The following NAALADL2 variants were observed in gnomAD, a reference collection of about 807,000 sequenced individuals.
NAALADL2 encodes the protein inactive N-acetylated-alpha-linked acidic dipeptidase-like protein 2.
In NAALADL2, 76 loss-of-function variants were observed where a neutral mutation model predicts 87.2. The observed-to-expected ratio is 0.87, with a 90% confidence interval of 0.72 to 1.05. The LOEUF (loss-of-function observed/expected upper bound fraction) is 1.05, where lower values mean the gene tolerates loss of function less well. NAALADL2 is among the 50% of genes least tolerant of loss of function. The pLI, the probability that NAALADL2 is intolerant of heterozygous loss-of-function variation, is 0.00. For missense variants in NAALADL2, 1,089 were observed against 945.8 expected (o/e 1.15, Z -1.99); for synonymous variants, 354 against 331.0 (o/e 1.07, Z -0.75).
chr3:175,604,062 G>C (rs1409483348), intron 10 of NAALADL2, among the ~76,000 whole-genome samples: 3 of 152,112 alleles, frequency 2.0e-5, no homozygotes, highest in Non-Finnish European at 4.4e-5. Flanking sequence ...TATATATCCA[G>C]AAGTAGAATT....
At chr3:175,584,039 C>CTTT (rs5854648) in intron 10 of NAALADL2, among the ~76,000 whole-genome samples, 3,081 of 144,148 alleles carry the variant, frequency 0.021, 116 homozygotes, top group African/African-American at 0.074. Flanking sequence ...ATTGTCACTA[C>CTTT]TTTTTTTTTT....
At chr3:175,744,955 G>GA (rs559266055) in intron 12 of NAALADL2, among the ~76,000 whole-genome samples, 37,484 of 145,876 alleles carry the variant, frequency 0.26, 5,057 homozygotes, top group African/African-American at 0.36. Context: ...CAATTGCAGT[G>GA]AAAAAAAAAA....
chr3:174,636,198 T>G (rs898408626), intron 2 of NAALADL2, among the ~76,000 whole-genome samples: 1 of 152,222 alleles, frequency 6.6e-6, no homozygotes, highest in Admixed American at 6.5e-5. Flanking sequence ...CGAGATGTAT[T>G]AAGGACTGAA....
At chr3:175,221,086 A>C (rs6776102) in intron 2 of NAALADL2, among the ~76,000 whole-genome samples, 133,272 of 151,854 alleles carry the variant, frequency 0.88, 58,648 homozygotes, top group Middle Eastern at 0.94. Flanking sequence ...GTAATCTTAG[A>C]TACTTGGGAG....
intron 1 of NAALADL2, among the ~76,000 whole-genome samples, chr3:174,971,141 G>A (rs865833232): frequency 1.3e-5 from 2 of 152,112 alleles, no homozygotes; most frequent in South Asian, 4.1e-4. Flanking sequence ...ATAGCAGGGG[G>A]AAAGACTGGC....
At chr3:175,696,701 T>A (rs1025399331) in intron 11 of NAALADL2, among the ~76,000 whole-genome samples, 1 of 152,182 alleles carries the variant, frequency 6.6e-6, no homozygotes, top group African/African-American at 2.4e-5. Context: ...ACTTACTGTC[T>A]TAATTTTCTG....
chr3:175,112,246 GCCT>G (rs1247623960), intron 2 of NAALADL2, among the ~76,000 whole-genome samples: 1 of 150,914 alleles, frequency 6.6e-6, no homozygotes, highest in Non-Finnish European at 1.5e-5. Flanking sequence ...GGTGTCTCCC[GCCT>G]CCTCTCAACT....
intron 2 of NAALADL2, among the ~76,000 whole-genome samples, chr3:175,193,893 A>G (rs747817902): frequency 1.7e-4 from 25 of 150,346 alleles, no homozygotes; most frequent in African/African-American, 5.4e-4. Context: ...TTGCTATTTC[A>G]TGAAACTTAA....
intron 1 of NAALADL2, among the ~76,000 whole-genome samples, chr3:174,897,176 C>A (rs1731648145): frequency 6.6e-6 from 1 of 152,000 alleles, no homozygotes; most frequent in South Asian, 2.1e-4. Context: ...TGAATCATGT[C>A]AAGTTAAAAA....
At chr3:175,160,360 CTTTT>C (rs71164618) in intron 2 of NAALADL2, among the ~76,000 whole-genome samples, 30 of 57,038 alleles carry the variant, frequency 5.3e-4, no homozygotes, top group Non-Finnish European at 1.0e-3. Flanking sequence ...TCTTTTCTTT[CTTTT>C]TTTTTTTTTT....
At chr3:175,103,106 CAA>C (rs377685441) in intron 2 of NAALADL2, among the ~76,000 whole-genome samples, 2 of 122,284 alleles carry the variant, frequency 1.6e-5, no homozygotes, top group Non-Finnish European at 3.4e-5. Context: ...GACTCCGTCT[CAA>C]AAAAAAAAAA....
chr3:175,016,135 T>C lies in NAALADL2; in HGVS notation c.44-80655T>C, dbSNP rs377485568. Among the ~76,000 whole-genome samples the C allele has an allele frequency of 2.0e-5, 3 of 151,474 alleles. No individual in the cohort carries two copies. The East Asian group carries it at 5.8e-4, about 29-fold the overall frequency. ...AGCTGAAGCAAGTTATTGTATCATG[T>C]ATTATATATTTTAATAAATAAAAAG... On this transcript the variant is annotated intron_variant, in intron 1 of 13. Coordinates refer to ENST00000454872, the MANE Select transcript of NAALADL2 (RefSeq NM_207015.3).
chr3:174,945,510 C>CT (rs1234496923), intron 1 of NAALADL2, among the ~76,000 whole-genome samples: 1 of 152,170 alleles, frequency 6.6e-6, no homozygotes, highest in Non-Finnish European at 1.5e-5. Context: ...AAAGCAAAAG[C>CT]TTGAGCTACC....
chr3:175,251,410 A>T (rs1749042181), intron 3 of NAALADL2, among the ~76,000 whole-genome samples: 1 of 152,212 alleles, frequency 6.6e-6, no homozygotes, highest in Non-Finnish European at 1.5e-5. Context: ...CGTCTCAATT[A>T]CTCTCTCTTA....
intron 5 of NAALADL2, among the ~76,000 whole-genome samples, chr3:175,395,605 A>C (rs181578107): frequency 7.4e-4 from 113 of 152,312 alleles, no homozygotes; most frequent in African/African-American, 2.5e-3. Context: ...TGTGAGTTAA[A>C]ATTTCAATAT....
intron 9 of NAALADL2, among the ~76,000 whole-genome samples, chr3:175,569,199 T>A (rs1167563870): frequency 6.6e-6 from 1 of 152,216 alleles, no homozygotes; most frequent in African/African-American, 2.4e-5. Context: ...TCCTTCAATG[T>A]TTACATGTTC....
At chr3:175,630,193 A>T (rs200754022) in intron 11 of NAALADL2, among the ~76,000 whole-genome samples, 1 of 151,944 alleles carries the variant, frequency 6.6e-6, no homozygotes, top group East Asian at 1.9e-4. Flanking sequence ...AAAATGAAGT[A>T]ATTAATAGAT....
Position 175,187,595 on chromosome 3 carries a change from T to C in NAALADL2, c.546-46336T>C, listed in dbSNP as rs116048923. ...ATTTTATTATGTATGTATATGTCACTCAAAATATATAAAGACTAAAAATGT... is the reference window on the plus strand; with the variant it reads ...ATTTTATTATGTATGTATATGTCACCCAAAATATATAAAGACTAAAAATGT... On this transcript the variant is annotated intron_variant, in intron 2 of 13. Coordinates refer to ENST00000454872, the MANE Select transcript of NAALADL2 (RefSeq NM_207015.3). Among the ~76,000 whole-genome samples, 1,167 of 152,324 alleles carry C rather than the reference T, an allele frequency of 7.7e-3. 16 individuals are homozygous for C. The highest frequency in any genetic ancestry group is 0.026 in the African/African-American group (1,080 of 41,580).
At chr3:175,730,431 T>C (rs1357387495) in intron 11 of NAALADL2, among the ~76,000 whole-genome samples, 4 of 85,620 alleles carry the variant, frequency 4.7e-5, no homozygotes, top group Non-Finnish European at 7.4e-5. Context: ...TATATATATA[T>C]ATATATATAT....
Sources: gnomAD v4.1 joint callset for allele counts (sites outside exome capture counted in the v4.1 genomes callset) on GRCh38, gnomAD v4.1.1 for gene constraint, MANE v1.5 for transcripts, NCBI Gene and HGNC (gene_info 2026-07-23, HGNC 2026-07-21) for gene names.